The following CDHR3 variants were observed in gnomAD, a reference collection of about 807,000 sequenced individuals.
CDHR3 encodes the protein cadherin related family member 3, also known as cadherin-related family member 3.
In CDHR3, 79 loss-of-function variants were observed where a neutral mutation model predicts 86.6. That is an observed-to-expected ratio of 0.91 (90% CI 0.76 to 1.10). The LOEUF (loss-of-function observed/expected upper bound fraction) is 1.10. Ranked by LOEUF, CDHR3 falls within the 50% of genes least tolerant of loss-of-function variation. The probability of loss-of-function intolerance (pLI) is 0.00; values close to 1 mark genes in which losing one functional copy is unlikely to be tolerated. For synonymous variants in CDHR3, 421 were observed against 402.4 expected (o/e 1.05, Z -0.55); for missense variants, 1,081 against 1,077.6 (o/e 1.00, Z -0.04).
At chr7:106,001,842 G>A (rs1252397821) in intron 7 of CDHR3, among the ~76,000 whole-genome samples, 1 of 152,114 alleles carries the variant, frequency 6.6e-6, no homozygotes, top group Non-Finnish European at 1.5e-5. Flanking sequence ...AATACCAAAT[G>A]CTATGTAGAT....
Position 106,034,688 on chromosome 7 carries a change from A to G in CDHR3, c.*1991A>G, listed in dbSNP as rs1040037672. On this transcript the variant is annotated 3_prime_UTR_variant, in exon 19 of 19. Coordinates refer to ENST00000317716, the MANE Select transcript of CDHR3 (RefSeq NM_152750.5). ...TGCAAATCTGTGGGGCCCGGAGTCA[A>G]ATGCTTTCCTTGGAAGCTCTCAGCT... 1.3e-5 allele frequency among the ~76,000 whole-genome samples: 2 copies of G among 152,232 alleles called. No homozygotes were observed. The highest frequency in any genetic ancestry group is 2.9e-5 in the Non-Finnish European group (2 of 68,036).
At chr7:105,978,321 C>T (rs1829135355) in intron 2 of CDHR3, among the ~76,000 whole-genome samples, 1 of 152,162 alleles carries the variant, frequency 6.6e-6, no homozygotes, top group African/African-American at 2.4e-5. Flanking sequence ...GAGAGAGGGG[C>T]TCTCTGAAGT....
At chr7:105,979,233 G>T (rs1279828908) in intron 2 of CDHR3, among the ~76,000 whole-genome samples, 1 of 152,192 alleles carries the variant, frequency 6.6e-6, no homozygotes, top group Non-Finnish European at 1.5e-5. Context: ...TTTCAAGCCA[G>T]TCAGTCTGGC....
intron 17 of CDHR3, among the ~76,000 whole-genome samples, chr7:106,029,169 TG>T (rs1837946537): frequency 6.6e-6 from 1 of 151,946 alleles, no homozygotes; most frequent in African/African-American, 2.4e-5. Flanking sequence ...TTAGTAGAGA[TG>T]GGGTTTCACC....
intron 13 of CDHR3, among the ~76,000 whole-genome samples, chr7:106,021,835 G>A (rs151112618): frequency 2.3e-4 from 35 of 152,312 alleles, no homozygotes; most frequent in Non-Finnish European, 4.3e-4. Flanking sequence ...TGAATTACAC[G>A]TGTTGTTACC....
chr7:106,018,535 C>T (rs1375407386), intron 12 of CDHR3, among the ~76,000 whole-genome samples: 2 of 152,082 alleles, frequency 1.3e-5, no homozygotes, highest in Non-Finnish European at 2.9e-5. Flanking sequence ...TGCACCCAGC[C>T]CCATATTTTT....
At chr7:105,999,905 T>G (rs1260537847) in intron 6 of CDHR3, among the ~76,000 whole-genome samples, 2 of 152,206 alleles carry the variant, frequency 1.3e-5, no homozygotes, top group Admixed American at 1.3e-4. Flanking sequence ...AGCACAGGCA[T>G]CTTAGTGGCC....
intron 3 of CDHR3, 98 bp from the exon 4 acceptor site, chr7:105,984,094 C>A: frequency 1.7e-6 from 1 of 585,220 alleles, no homozygotes; most frequent in East Asian, 3.1e-5. Context: ...ATGCCAACAC[C>A]CTTGGTTCCC....
At chr7:105,983,185 G>A (rs1045069474) in intron 3 of CDHR3, among the ~76,000 whole-genome samples, 1 of 152,184 alleles carries the variant, frequency 6.6e-6, no homozygotes, top group South Asian at 2.1e-4. Flanking sequence ...AGTTGCATGA[G>A]AGTAAGGTTC....
chr7:105,977,760 G>A (rs994965743), intron 2 of CDHR3, among the ~76,000 whole-genome samples: 2 of 152,178 alleles, frequency 1.3e-5, no homozygotes, highest in African/African-American at 4.8e-5. Flanking sequence ...GGAGGATGGC[G>A]AGTCTGGGTC....
At chr7:105,972,865 T>A (rs553527033) in intron 1 of CDHR3, among the ~76,000 whole-genome samples, 2 of 152,260 alleles carry the variant, frequency 1.3e-5, no homozygotes, top group Non-Finnish European at 2.9e-5. Flanking sequence ...TTATGCATTA[T>A]GCATTTTAGC....
At chr7:106,031,801 A>G (rs1240411401) in intron 18 of CDHR3, among the ~76,000 whole-genome samples, 5 of 152,148 alleles carry the variant, frequency 3.3e-5, no homozygotes, top group Non-Finnish European at 7.3e-5. Flanking sequence ...AGAGAAAAAA[A>G]AAAAAAGAAA....
intron 16 of CDHR3, 90 bp downstream of exon 16, chr7:106,026,785 C>A: frequency 7.5e-7 from 1 of 1,330,872 alleles, no homozygotes. Flanking sequence ...AAGAATCAGG[C>A]CGCGATCACA....
chr7:106,017,865 G>T lies in CDHR3; in HGVS notation c.1446G>T (p.Gln482His). Residue 482 changes from glutamine (Q) to histidine (H), a missense_variant, in exon 12 of 19, where the codon CAG becomes CAT. Physicochemically the swap from Gln to His is conservative, Grantham distance 24. Coordinates refer to ENST00000317716, the MANE Select transcript of CDHR3 (RefSeq NM_152750.5). The part of the protein sequence containing the change: ...ERRPARTRVG[Q>H]VRATDKDLPQ... The stretch of plus-strand genomic sequence containing the variant: ...CTCCAGCCAGAACCCGAGTGGGACA[G>T]GTGCGAGCCACTGATAAAGACCTCC... 6.3e-7 allele frequency: 1 copy of T among 1,586,564 alleles called. No individual in the cohort carries two copies. Among genetic ancestry groups the T allele is most frequent in the East Asian group, 2.3e-5 (1 of 43,160 alleles).
chr7:106,002,360 G>A (rs1395726302), intron 7 of CDHR3, among the ~76,000 whole-genome samples: 1 of 152,240 alleles, frequency 6.6e-6, no homozygotes, highest in Non-Finnish European at 1.5e-5. Flanking sequence ...GATGAAGTGA[G>A]TAATTATGGA....
At chr7:106,015,495 C>T (rs964080421) in intron 10 of CDHR3, among the ~76,000 whole-genome samples, 3 of 152,110 alleles carry the variant, frequency 2.0e-5, no homozygotes, top group African/African-American at 7.2e-5. Flanking sequence ...TTTCACCATT[C>T]GGTTGCTGCT....
intron 4 of CDHR3, among the ~76,000 whole-genome samples, chr7:105,993,854 G>C (rs1421703602): frequency 6.6e-6 from 1 of 152,100 alleles, no homozygotes; most frequent in Non-Finnish European, 1.5e-5. Context: ...CACCCTCAGC[G>C]GGCTGTACAC....
chr7:106,028,930 T>TTCTTTC (rs1554532725), intron 17 of CDHR3, among the ~76,000 whole-genome samples: 114 of 121,046 alleles, frequency 9.4e-4, no homozygotes, highest in Admixed American at 2.9e-3. Context: ...CTTTCTTTCT[T>TTCTTTC]TCTTTCTTTC....
chr7:106,015,348 T>C (rs1835441747), intron 10 of CDHR3, 135 bp downstream of exon 10: 5 of 658,572 alleles, frequency 7.6e-6, no homozygotes, highest in Non-Finnish European at 7.7e-6. Context: ...CCCCTCTTTC[T>C]CGGCTGAATT....
Sources: allele counts gnomAD v4.1 joint callset (sites outside exome capture counted in the v4.1 genomes callset), GRCh38; gene constraint gnomAD v4.1.1; transcripts MANE v1.5; gene names NCBI Gene and HGNC (gene_info 2026-07-23, HGNC 2026-07-21).